EIF4E2: variants seen among roughly 807,000 people sequenced by gnomAD.
EIF4E2 encodes the protein eukaryotic translation initiation factor 4E family member 2.
Under a neutral mutation model 34.2 loss-of-function variants are expected in EIF4E2, and 13 were observed. That is an observed-to-expected ratio of 0.38 (90% CI 0.25 to 0.60). The LOEUF (loss-of-function observed/expected upper bound fraction) is 0.60. Among genes scored for constraint, EIF4E2 ranks in the 20% least tolerant of loss-of-function variants. EIF4E2 has a pLI of 0.62. For missense variants in EIF4E2, 222 were observed against 315.1 expected, an observed-to-expected ratio of 0.70 and a Z score of 2.24; for synonymous variants, 100 against 106.6, an observed-to-expected ratio of 0.94 and a Z score of 0.38.
chr2:232,573,996 G>C, downstream of EIF4E2: 1 of 656,832 alleles, frequency 1.5e-6, no homozygotes, highest in Non-Finnish European at 2.9e-6. Flanking sequence ...CTTGTTGAAG[G>C]AACACTGGTG....
chr2:232,553,510 G>A (rs1165663142), intron 1 of EIF4E2, among the ~76,000 whole-genome samples: 1 of 152,196 alleles, frequency 6.6e-6, no homozygotes, highest in Non-Finnish European at 1.5e-5. Context: ...AGTTCAGAGG[G>A]TGAGGAAATA....
chr2:232,555,518 T>C lies in EIF4E2; in HGVS notation c.21-898T>C, dbSNP rs529366197. On this transcript the variant is annotated intron_variant, in intron 1 of 6. Transcript: ENST00000258416. ...GAAGCAAGAACACATTTATTCTTTC[T>C]TTCAGTCATTTATTTTTCCTTTTGG... Among the ~76,000 whole-genome samples the C allele has an allele frequency of 2.0e-5, 3 of 152,360 alleles. No individual in the cohort carries two copies. In the East Asian group the frequency reaches 5.8e-4, roughly 29 times the overall value.
chr2:232,571,224 G>A (rs765367263), downstream of EIF4E2, among the ~76,000 whole-genome samples: 5 of 152,198 alleles, frequency 3.3e-5, no homozygotes, highest in Non-Finnish European at 5.9e-5. Flanking sequence ...CAGAGCAGGC[G>A]GGTGATGAGC....
At chr2:232,564,417 C>A in intron 4 of EIF4E2, 66 bp downstream of exon 4, 2 of 855,006 alleles carry the variant, frequency 2.3e-6, no homozygotes, top group Non-Finnish European at 3.7e-6. Context: ...TGTCTCTTAG[C>A]CCTGCCAAGG....
chr2:232,572,456 C>T (rs367634799), downstream of EIF4E2, among the ~76,000 whole-genome samples: 8 of 152,334 alleles, frequency 5.3e-5, no homozygotes, highest in African/African-American at 1.9e-4. Flanking sequence ...ACCTCTGCCT[C>T]CTGGGTTCAA....
intron 4 of EIF4E2, among the ~76,000 whole-genome samples, chr2:232,564,552 G>A (rs761003586): frequency 7.9e-5 from 12 of 152,280 alleles, no homozygotes; most frequent in East Asian, 5.8e-4. Flanking sequence ...CCAGGTTCAC[G>A]CCATTCTCTT....
At chr2:232,573,881 G>A (rs75873932), downstream of EIF4E2, 445 of 390,402 alleles carry the variant, frequency 1.1e-3, 4 homozygotes, top group African/African-American at 8.7e-3. Context: ...TACCACCTGT[G>A]CACACATAGG....
At chr2:232,554,762 T>C (rs933090515) in intron 1 of EIF4E2, among the ~76,000 whole-genome samples, 1 of 152,216 alleles carries the variant, frequency 6.6e-6, no homozygotes, top group African/African-American at 2.4e-5. Flanking sequence ...CATACTGGCT[T>C]TCTCTGCTTT....
intron 6 of EIF4E2, among the ~76,000 whole-genome samples, chr2:232,575,738 G>A (rs1429704121): frequency 6.6e-6 from 1 of 152,112 alleles, no homozygotes; most frequent in East Asian, 1.9e-4. Flanking sequence ...TGATTTTTAG[G>A]CTAAAAAATA....
chr2:232,563,798 A>G (rs776802310), intron 3 of EIF4E2, among the ~76,000 whole-genome samples: 6 of 152,328 alleles, frequency 3.9e-5, no homozygotes, highest in Admixed American at 1.3e-4. Flanking sequence ...CAGTTAAACA[A>G]TCTTTCATCG....
At chr2:232,559,989 TAAA>T (rs915466814) in intron 3 of EIF4E2, among the ~76,000 whole-genome samples, 1 of 152,086 alleles carries the variant, frequency 6.6e-6, no homozygotes, top group African/African-American at 2.4e-5. Flanking sequence ...AGATCCTGTC[TAAA>T]AAAATTTTTA....
exon 7 of EIF4E2, chr2:232,583,617 A>G (rs1238006413): frequency 6.6e-6 from 1 of 152,222 alleles, no homozygotes; most frequent in Non-Finnish European, 1.5e-5. Context: ...TATCTACTGC[A>G]GTAATAAATT....
chr2:232,557,955 C>G lies in EIF4E2; in HGVS notation c.207C>G (p.Pro69=). The G allele has an allele frequency of 6.2e-7, 1 of 1,614,144 alleles. No individual in the cohort carries two copies. Among genetic ancestry groups the G allele is most frequent in the Non-Finnish European group, 8.5e-7 (1 of 1,180,022 alleles). ...CTTTTTGGTACTCCAGGAGAACCCC[C>G]GGCCGTCCCACGAGCTCACAGAGCT... is the stretch of plus-strand genomic sequence containing the variant. ...NYTFWYSRRT[P]GRPTSSQSYE... Residue 69 remains proline, a synonymous_variant, in exon 3 of 7, where the codon CCC becomes CCG. Transcript: ENST00000258416.
At chr2:232,578,583 A>G (rs1693273532) in intron 6 of EIF4E2, among the ~76,000 whole-genome samples, 1 of 151,702 alleles carries the variant, frequency 6.6e-6, no homozygotes, top group Non-Finnish European at 1.5e-5. Context: ...GTGAGCTGAG[A>G]TTGTGCCACT....
chr2:232,557,564 G>A (rs1190440), intron 2 of EIF4E2: 74,421 of 258,774 alleles, frequency 0.29, 11,533 homozygotes, highest in Admixed American at 0.42. Context: ...TAAGTAACTT[G>A]ACAGTGATGA....
At chr2:232,577,079 G>T (rs762813445) in intron 6 of EIF4E2, among the ~76,000 whole-genome samples, 1 of 152,218 alleles carries the variant, frequency 6.6e-6, no homozygotes, top group Non-Finnish European at 1.5e-5. Flanking sequence ...TGATTACTCA[G>T]CTGTCTAGGC....
intron 3 of EIF4E2, 163 bp downstream of exon 3, chr2:232,558,181 C>A (rs1692590499): frequency 1.2e-6 from 1 of 823,876 alleles, no homozygotes; most frequent in East Asian, 2.8e-5. Flanking sequence ...AGGTTTCTCA[C>A]TAGATATCCA....
At chr2:232,567,235 GGA>G in intron 6 of EIF4E2, 21 bp downstream of exon 6, 2 of 1,613,858 alleles carry the variant, frequency 1.2e-6, no homozygotes, top group Non-Finnish European at 1.7e-6. Flanking sequence ...GGGGGTTATG[GGA>G]GGACGTGTCC....
At chr2:232,564,146 T>G (rs950370143) in intron 3 of EIF4E2, 101 bp from the exon 4 acceptor site, 4 of 698,062 alleles carry the variant, frequency 5.7e-6, no homozygotes, top group Middle Eastern at 4.0e-4. Flanking sequence ...TGTAGTATAG[T>G]GTCTTCCATG....
Sources: allele counts gnomAD v4.1 joint callset (sites outside exome capture counted in the v4.1 genomes callset), GRCh38; gene constraint gnomAD v4.1.1; transcripts MANE v1.5; gene names NCBI Gene and HGNC (gene_info 2026-07-23, HGNC 2026-07-21).